KLK1: variants seen among roughly 807,000 people sequenced by gnomAD.
KLK1 encodes kallikrein-1.
A neutral mutation model predicts 23.3 loss-of-function variants in KLK1; 22 were observed. The observed-to-expected ratio is 0.95, with a 90% CI of 0.68 to 1.35. The LOEUF (loss-of-function observed/expected upper bound fraction) is 1.35, where lower values mean the gene tolerates loss of function less well. Ranked by LOEUF, KLK1 falls within the 40% of genes most tolerant of loss-of-function variation. The pLI, the probability that KLK1 is intolerant of heterozygous loss-of-function variation, is 0.00. For synonymous variants in KLK1, 140 were observed against 135.8 expected (o/e 1.03, Z -0.21); for missense variants, 301 against 338.9 (o/e 0.89, Z 0.88).
Position 50,822,256 on chromosome 19 carries a change from G to A in KLK1, c.47-385C>T, listed in dbSNP as rs1599945006. On this transcript the variant is annotated intron_variant, in intron 1 of 4. Transcript: ENST00000301420. ...GATTCTGGAAACCAGGGATCAAGGC[G>A]CCAAGGGTGGGACAGGATCAGAGGC... 1.3e-5 allele frequency: 13 copies of A among 1,007,296 alleles called. No homozygotes were observed. In the South Asian group the frequency reaches 4.5e-4, roughly 35 times the overall value. The allele number at this position is 1,007,296 out of a possible 1,614,324, so 62.4% of individuals were successfully genotyped here.
chr19:50,822,620 C>A (rs1433805258), intron 1 of KLK1: 1 of 985,120 alleles, frequency 1.0e-6, no homozygotes, highest in Non-Finnish European at 1.2e-6. Context: ...CCTGAGAACA[C>A]AGTTGCGGTC....
At position 50,821,870 on chromosome 19, in the gene KLK1, A is replaced by C; in HGVS notation, c.48T>G (p.Gly16=). 6.2e-7 allele frequency: 1 copy of C among 1,606,850 alleles called. No homozygotes were observed. Among genetic ancestry groups the C allele is most frequent in the Non-Finnish European group, 8.5e-7 (1 of 1,175,648 alleles). Reference sequence around the variant, plus strand: ...TCCGGGACTGAATCGGGGGCGCAGCACCTGCAGAGGCGGTGCTGGGTCAGG... The same window carrying C: ...TCCGGGACTGAATCGGGGGCGCAGCCCCTGCAGAGGCGGTGCTGGGTCAGG... ...LCLALSLGGT[G]AAPPIQSRIV... is the part of the protein sequence containing the mutation. Residue 16 remains glycine (G), a splice_region_variant and synonymous_variant, in exon 2 of 5, where the codon GGT becomes GGG. Transcript: ENST00000301420. The surrounding 1 kb of genome is among the most constrained non-coding windows in gnomAD (Gnocchi z 5.6).
In KLK1 at chr19:50,823,728, G is replaced by T; in HGVS notation, c.21C>A (p.Cys7Ter). The T allele has an allele frequency of 1.2e-6, 2 of 1,610,928 alleles. No individual in the cohort carries two copies. Among genetic ancestry groups the T allele is most frequent in the Non-Finnish European group, 1.7e-6 (2 of 1,177,716 alleles). The change falls in exon 1 of 5, where the codon TGC becomes TGA. Residue 7 changes from cysteine to a stop codon, truncating the protein, a stop_gained. Transcript: ENST00000301420. LOFTEE classifies it high-confidence loss of function. MWFLVL[C>*]LALSLGGTGA... The stretch of plus-strand genomic sequence containing the variant: ...CAGTCCCCCCCAGGGACAGGGCGAG[G>T]CACAGAACCAGGAACCACATGGTGA...
chr19:50,821,486 A>G lies in KLK1; in HGVS notation c.206+226T>C, dbSNP rs540712674. Among the ~76,000 whole-genome samples, 11 of 152,158 alleles carry G rather than the reference A, an allele frequency of 7.2e-5. No individual in the cohort carries two copies. In the South Asian group the frequency reaches 2.1e-3, roughly 29 times the overall value. The stretch of plus-strand genomic sequence containing the variant: ...GAGAGAGAGGAAGACAGAGACCAGA[A>G]CACAGTCACACAGAGACACAAGCAG... On this transcript the variant is annotated intron_variant, in intron 2 of 4. Coordinates refer to ENST00000301420, the MANE Select transcript of KLK1 (RefSeq NM_002257.4). The surrounding 1 kb of genome is among the most constrained non-coding windows in gnomAD (Gnocchi z 5.6).
At chr19:50,823,400 C>T (rs1430816195) in intron 1 of KLK1, among the ~76,000 whole-genome samples, 2 of 151,940 alleles carry the variant, frequency 1.3e-5, no homozygotes, top group Admixed American at 1.3e-4. Context: ...CAGAATCTGC[C>T]CCTTTGGTAA....
intron 2 of KLK1, 119 bp from the exon 3 acceptor site, chr19:50,820,562 G>T: frequency 1.4e-6 from 1 of 706,644 alleles, no homozygotes. Context: ...GTGGGTGGGC[G>T]GAGACAGAGG....
Position 50,821,792 on chromosome 19 carries a change from C to T in KLK1, c.126G>A (p.Leu42=). 6.2e-7 allele frequency: 1 copy of T among 1,613,976 alleles called. No individual in the cohort carries two copies. Among genetic ancestry groups the T allele is most frequent in the Non-Finnish European group, 8.5e-7 (1 of 1,179,972 alleles). ...EQHSQPWQAA[L]YHFSTFQCGG... is the part of the protein sequence containing the mutation. The stretch of plus-strand genomic sequence containing the variant: ...CACACTGGAAAGTGCTGAAATGGTA[C>T]AGAGCCGCCTGCCAGGGCTGGGAAT... The change falls in exon 2 of 5, where the codon CTG becomes CTA. Residue 42 remains leucine (L), a synonymous_variant. Transcript: ENST00000301420. This position sits in a 1 kb window ranked among gnomAD's most constrained non-coding sequence, Gnocchi z 5.6.
rs565480882 is a variant in KLK1, at chr19:50,821,904, G to T, written c.47-33C>A. On this transcript the variant is annotated intron_variant, in intron 1 of 4. Transcript: ENST00000301420. The surrounding 1 kb of genome is among the most constrained non-coding windows in gnomAD (Gnocchi z 5.6). Reference sequence around the variant, plus strand: ...GGCGGTGCTGGGTCAGGAAGGGCAGGGTTGGCAGGAGAGGCCAGGGACAAG... The same window carrying T: ...GGCGGTGCTGGGTCAGGAAGGGCAGTGTTGGCAGGAGAGGCCAGGGACAAG... 1 of 1,583,374 alleles carries T rather than the reference G, an allele frequency of 6.3e-7. No homozygotes were observed. The highest frequency in any genetic ancestry group is 8.6e-7 in the Non-Finnish European group (1 of 1,161,920).
rs2089825802 is a variant in KLK1, at chr19:50,821,097, G to A, written c.206+615C>T. Among the ~76,000 whole-genome samples the A allele has an allele frequency of 6.6e-6, 1 of 152,080 alleles. No homozygotes were observed. Among genetic ancestry groups the A allele is most frequent in the Non-Finnish European group, 1.5e-5 (1 of 67,998 alleles). ...CCCCTTCCCTTCCCAGCACCCTCCCGCGCGTTTCTCGCCCCGCCTCCTCCT... is the reference window on the plus strand; with the variant it reads ...CCCCTTCCCTTCCCAGCACCCTCCCACGCGTTTCTCGCCCCGCCTCCTCCT... On this transcript the variant is annotated intron_variant, in intron 2 of 4. Transcript: ENST00000301420. This position sits in a 1 kb window ranked among gnomAD's most constrained non-coding sequence, Gnocchi z 5.6.
intron 1 of KLK1, 145 bp downstream of exon 1, chr19:50,823,558 A>T (rs1336000707): frequency 1.9e-6 from 1 of 522,378 alleles, no homozygotes; most frequent in East Asian, 3.0e-5. Context: ...GATAGATAAG[A>T]GCCGGGGCAC....
chr19:50,819,632 C>T (rs569960546), intron 4 of KLK1, among the ~76,000 whole-genome samples: 214 of 152,248 alleles, frequency 1.4e-3, no homozygotes, highest in African/African-American at 4.7e-3. Context: ...GCGGGCACAT[C>T]GCAGAGGCCA....
intron 1 of KLK1, chr19:50,822,760 C>A (rs546533140): frequency 2.3e-4 from 225 of 985,120 alleles, no homozygotes; most frequent in Non-Finnish European, 2.6e-4. Context: ...GATATGGGGT[C>A]CTCTTGGAGG....
In KLK1 at chr19:50,823,450, T is replaced by C. The variant is rs538531627; in HGVS notation, c.46+253A>G. ...GCGTTGGCTAGGGAAGAGGAGAAAGTACTGAGGCTTCCTGGGAGGAGCAGG... is the reference window on the plus strand; with the variant it reads ...GCGTTGGCTAGGGAAGAGGAGAAAGCACTGAGGCTTCCTGGGAGGAGCAGG... On this transcript the variant is annotated intron_variant, in intron 1 of 4. Transcript: ENST00000301420. Among the ~76,000 whole-genome samples, 7 of 151,910 alleles carry C rather than the reference T, an allele frequency of 4.6e-5. No homozygotes were observed. In the East Asian group the frequency reaches 1.4e-3, roughly 29 times the overall value.
In KLK1 at chr19:50,821,234, G is replaced by T. The variant is rs3212827; in HGVS notation, c.206+478C>A. 6.6e-6 allele frequency among the ~76,000 whole-genome samples: 1 copy of T among 152,278 alleles called. No homozygotes were observed. The highest frequency in any genetic ancestry group is 1.9e-4 in the East Asian group (1 of 5,172). ...CGGGGAGCTGGACAGAGGGAGAGGC[G>T]CCCCCTCCCAGGCACACAAGTTGGG... On this transcript the variant is annotated intron_variant, in intron 2 of 4. Coordinates refer to ENST00000301420, the MANE Select transcript of KLK1 (RefSeq NM_002257.4). This position sits in a 1 kb window ranked among gnomAD's most constrained non-coding sequence, Gnocchi z 5.6.
In KLK1 at chr19:50,819,278, A is replaced by G; in HGVS notation, c.705T>C (p.Cys235=). The change falls in exon 5 of 5, where the codon TGT becomes TGC. Residue 235 remains cysteine (C), a synonymous_variant. Transcript: ENST00000301420. ...CGACAGAAGGCTTATTGGGGGTGCC[A>G]CAAGGGACGTAGCCCCATGATGTGA... ...QGVTSWGYVP[C]GTPNKPSVAV... is the part of the protein sequence containing the mutation. 6.2e-7 allele frequency: 1 copy of G among 1,614,168 alleles called. No homozygotes were observed. The highest frequency in any genetic ancestry group is 8.5e-7 in the Non-Finnish European group (1 of 1,179,984).
intron 4 of KLK1, 62 bp from the exon 5 acceptor site, chr19:50,819,411 G>A (rs2089807897): frequency 6.6e-7 from 1 of 1,521,608 alleles, no homozygotes; most frequent in African/African-American, 1.4e-5. Context: ...TTCTGCCTGG[G>A]GAGCCCCAGC....
At chr19:50,822,991 TGGGGCGG>T in intron 1 of KLK1, 2 of 797,594 alleles carry the variant, frequency 2.5e-6, no homozygotes, top group Non-Finnish European at 3.0e-6. Flanking sequence ...GGCTGGGGCC[TGGGGCGG>T]GATGGAACTT....
In KLK1 at chr19:50,821,794, G is replaced by T; in HGVS notation, c.124C>A (p.Leu42Met). The change falls in exon 2 of 5, where the codon CTG becomes ATG. Residue 42 changes from leucine to methionine, a missense_variant. Physicochemically the swap from Leu to Met is conservative, Grantham distance 15. Coordinates refer to ENST00000301420, the MANE Select transcript of KLK1 (RefSeq NM_002257.4). This position sits in a 1 kb window ranked among gnomAD's most constrained non-coding sequence, Gnocchi z 5.6. Reference sequence around the variant, plus strand: ...CACTGGAAAGTGCTGAAATGGTACAGAGCCGCCTGCCAGGGCTGGGAATGC... The same window carrying T: ...CACTGGAAAGTGCTGAAATGGTACATAGCCGCCTGCCAGGGCTGGGAATGC... ...EQHSQPWQAA[L>M]YHFSTFQCGG... The T allele has an allele frequency of 6.2e-7, 1 of 1,613,980 alleles. No homozygotes were observed. The highest frequency in any genetic ancestry group is 2.2e-5 in the East Asian group (1 of 44,880).
chr19:50,820,679 A>T, intron 2 of KLK1: 1 of 419,510 alleles, frequency 2.4e-6, no homozygotes, highest in East Asian at 4.1e-5. Context: ...GCTCAAAAGG[A>T]CAGAGGGGTG....
Sources: gnomAD v4.1 joint callset for allele counts (sites outside exome capture counted in the v4.1 genomes callset) on GRCh38, gnomAD v4.1.1 for gene constraint, Gnocchi (gnomAD v3.1) non-coding constraint, MANE v1.5 for transcripts, NCBI Gene and HGNC (gene_info 2026-07-23, HGNC 2026-07-21) for gene names.